The following IL7 variants were observed in gnomAD, a reference collection of about 807,000 sequenced individuals.
The protein encoded by IL7 is interleukin 7, also known as interleukin-7.
IL7 carries 3 observed loss-of-function variants against 21.6 expected under a neutral mutation model. The ratio of observed to expected loss-of-function variants is 0.14; its 90% CI spans 0.06 to 0.36. The LOEUF is 0.36. Ranked by LOEUF, IL7 falls within the 10% of genes least tolerant of loss-of-function variation. IL7 has a pLI of 1.00. For synonymous variants in IL7, 62 were observed against 68.1 expected, an observed-to-expected ratio of 0.91 and a Z score of 0.44; for missense variants, 175 against 200.2, an observed-to-expected ratio of 0.87 and a Z score of 0.76.
chr8:78,751,196 C>T, intron 2 of IL7, among the ~76,000 whole-genome samples: 1 of 150,566 alleles, frequency 6.6e-6, no homozygotes, highest in Non-Finnish European at 1.5e-5. Flanking sequence ...GGAGAAGAGA[C>T]AGAAAAAGAA....
chr8:78,757,816 T>C (rs944161962), intron 2 of IL7, among the ~76,000 whole-genome samples: 1 of 152,088 alleles, frequency 6.6e-6, no homozygotes, highest in African/African-American at 2.4e-5. Context: ...AATCTCATCT[T>C]GAATTGTAGC....
intron 3 of IL7, among the ~76,000 whole-genome samples, chr8:78,687,541 T>C (rs953047315): frequency 1.7e-3 from 247 of 143,710 alleles, no homozygotes; most frequent in Non-Finnish European, 2.9e-3. Context: ...TATATTTATA[T>C]AATAAATTTT....
chr8:78,794,334 T>G (rs1014740328), intron 2 of IL7, among the ~76,000 whole-genome samples: 1 of 152,140 alleles, frequency 6.6e-6, no homozygotes, highest in African/African-American at 2.4e-5. Context: ...ATTCACGGGC[T>G]GAAAAACAGA....
chr8:78,712,142 C>A, intron 3 of IL7: 1 of 1,176,162 alleles, frequency 8.5e-7, no homozygotes. Context: ...TAATATTTTT[C>A]AGATATTTCC....
rs186493951 is a variant in IL7 at position 78,752,991 on chromosome 8, A to T, written c.148-12909T>A. 2.4e-3 allele frequency among the ~76,000 whole-genome samples: 368 copies of T among 152,218 alleles called. 2 individuals are homozygous for T. Among genetic ancestry groups the T allele is most frequent in the African/African-American group, 8.3e-3 (343 of 41,538 alleles). On this transcript the variant is annotated intron_variant, in intron 2 of 5. Coordinates refer to ENST00000263851, the MANE Select transcript of IL7 (RefSeq NM_000880.4). ...TGCCACGTTTTCTTTATCCAGTCTA[A>T]CATTGATGGGCATTTGGGTTGGTTC...
At chr8:78,717,867 T>C, downstream of IL7, 1 of 158,048 alleles carries the variant, frequency 6.3e-6, no homozygotes, top group Non-Finnish European at 1.4e-5. Context: ...TAAGTATAAC[T>C]TTGAGCAAAA....
At chr8:78,783,283 C>T (rs556494760) in intron 2 of IL7, among the ~76,000 whole-genome samples, 2 of 152,272 alleles carry the variant, frequency 1.3e-5, no homozygotes, top group African/African-American at 2.4e-5. Context: ...CACCCATCCA[C>T]GGAAAAATAT....
intron 3 of IL7, chr8:78,712,001 A>T: frequency 7.8e-7 from 1 of 1,289,608 alleles, no homozygotes; most frequent in Non-Finnish European, 1.0e-6. Flanking sequence ...AATATGGACA[A>T]GTTAGGCCCT....
intron 2 of IL7, among the ~76,000 whole-genome samples, chr8:78,741,345 C>G (rs1172955918): frequency 2.0e-5 from 3 of 152,116 alleles, no homozygotes; most frequent in Admixed American, 1.3e-4. Context: ...TAATATTTGC[C>G]TATTAAGTCA....
chr8:78,707,654 A>G (rs914732653), intron 3 of IL7, among the ~76,000 whole-genome samples: 10 of 152,304 alleles, frequency 6.6e-5, no homozygotes, highest in African/African-American at 2.4e-4. Context: ...ATAACTGTCA[A>G]TCATACCTGT....
intron 3 of IL7, among the ~76,000 whole-genome samples, chr8:78,722,812 G>A: frequency 6.6e-6 from 1 of 151,874 alleles, no homozygotes; most frequent in East Asian, 1.9e-4. Flanking sequence ...TTGTCACTAA[G>A]GTCAAATAAT....
intron 2 of IL7, among the ~76,000 whole-genome samples, chr8:78,772,406 G>A (rs1257774003): frequency 6.6e-6 from 1 of 152,052 alleles, no homozygotes; most frequent in South Asian, 2.1e-4. Context: ...AATATTGAAT[G>A]TATATGCATA....
chr8:78,717,973 AG>A (rs1811158585), exon 7 of IL7: 1 of 152,464 alleles, frequency 6.6e-6, no homozygotes, highest in African/African-American at 2.4e-5. Flanking sequence ...GAACAGTTTT[AG>A]TTACCATTAG....
intron 2 of IL7, among the ~76,000 whole-genome samples, chr8:78,754,011 C>T (rs956424561): frequency 6.6e-6 from 1 of 152,106 alleles, no homozygotes; most frequent in Admixed American, 6.6e-5. Context: ...CCTCTCTCAC[C>T]ACTCCTATTC....
chr8:78,687,411 T>C (rs1442950823), intron 3 of IL7, among the ~76,000 whole-genome samples: 5 of 149,164 alleles, frequency 3.4e-5, no homozygotes, highest in African/African-American at 1.2e-4. Flanking sequence ...AGATTTTATA[T>C]GCCATAAGGT....
At chr8:78,800,741 G>T (rs1814026870) in intron 1 of IL7, among the ~76,000 whole-genome samples, 1 of 152,052 alleles carries the variant, frequency 6.6e-6, no homozygotes. Context: ...CATCTTACAG[G>T]GGTCCAAAAG....
chr8:78,714,619 T>A (rs1461699965), downstream of IL7, among the ~76,000 whole-genome samples: 1 of 152,192 alleles, frequency 6.6e-6, no homozygotes, highest in Non-Finnish European at 1.5e-5. Context: ...CTTCTTTGAT[T>A]CTTAAAGTTT....
intron 2 of IL7, among the ~76,000 whole-genome samples, chr8:78,774,001 C>T (rs11776228): frequency 0.064 from 9,751 of 151,870 alleles, 341 homozygotes; most frequent in Middle Eastern, 0.092. Context: ...TAGTTTGGAA[C>T]GCCACTGTGA....
intron 3 of IL7, chr8:78,698,525 C>A (rs1305882677): frequency 6.4e-7 from 1 of 1,558,578 alleles, no homozygotes; most frequent in South Asian, 1.2e-5. Context: ...TAAGTCTACA[C>A]TGGATATAAT....
Sources: allele counts gnomAD v4.1 joint callset (sites outside exome capture counted in the v4.1 genomes callset), GRCh38; gene constraint gnomAD v4.1.1; transcripts MANE v1.5; gene names NCBI Gene and HGNC (gene_info 2026-07-23, HGNC 2026-07-21).